Variants in SHANK2 observed in about 807,000 individuals in gnomAD.
SHANK2 encodes SH3 and multiple ankyrin repeat domains protein 2.
SHANK2 carries 43 observed loss-of-function variants against 133.7 expected under a neutral mutation model. The ratio of observed to expected loss-of-function variants is 0.32; its 90% CI spans 0.25 to 0.41. The LOEUF is 0.41. Ranked by LOEUF, SHANK2 falls within the 10% of genes least tolerant of loss-of-function variation. The pLI is 1.00. For missense variants in SHANK2, 1,994 were observed against 2,235.8 expected (o/e 0.89, Z 2.18); for synonymous variants, 1,017 against 952.8 (o/e 1.07, Z -1.24).
At chr11:70,747,654 T>G (rs782553819) in intron 14 of SHANK2, among the ~76,000 whole-genome samples, 9 of 152,178 alleles carry the variant, frequency 5.9e-5, no homozygotes, top group Non-Finnish European at 1.3e-4. Flanking sequence ...CCCAATTCCA[T>G]GCTGAATAGC....
chr11:70,919,467 C>T (rs369382312), intron 10 of SHANK2, among the ~76,000 whole-genome samples: 157 of 152,000 alleles, frequency 1.0e-3, no homozygotes, highest in African/African-American at 2.9e-3. Flanking sequence ...CTGCAACCTC[C>T]GCCTCCCAGG....
chr11:70,549,629 G>A (rs945766198), intron 17 of SHANK2, among the ~76,000 whole-genome samples: 3 of 152,136 alleles, frequency 2.0e-5, no homozygotes, highest in African/African-American at 4.8e-5. Context: ...CGAGGTCCCC[G>A]GCCAGGGACT....
chr11:70,632,735 G>C (rs1045075694), intron 17 of SHANK2, among the ~76,000 whole-genome samples: 5 of 152,154 alleles, frequency 3.3e-5, no homozygotes, highest in Non-Finnish European at 7.3e-5. Flanking sequence ...AACCAGAAAA[G>C]GGCGCATGAG....
chr11:70,680,404 G>T (rs1332011866), intron 15 of SHANK2, among the ~76,000 whole-genome samples: 1 of 152,018 alleles, frequency 6.6e-6, no homozygotes, highest in Non-Finnish European at 1.5e-5. Context: ...CAGAGGAGGG[G>T]CTGCTTGTGT....
At chr11:70,910,974 T>C (rs1950182901) in intron 10 of SHANK2, 1 of 456,902 alleles carries the variant, frequency 2.2e-6, no homozygotes, top group African/African-American at 2.0e-5. Context: ...TGCTAAGCCA[T>C]GATGATGCAT....
chr11:70,486,460 G>C lies in SHANK2; in HGVS notation c.3833C>G (p.Thr1278Arg). The C allele has an allele frequency of 6.2e-7, 1 of 1,614,036 alleles. No individual in the cohort carries two copies. The highest frequency in any genetic ancestry group is 8.5e-7 in the Non-Finnish European group (1 of 1,180,014). ...CAGGTCGGTCTCGTACTTGTTCTCCGTCTCCTGCCGCCTCAGGGGTCCCCG... is the reference window on the plus strand; with the variant it reads ...CAGGTCGGTCTCGTACTTGTTCTCCCTCTCCTGCCGCCTCAGGGGTCCCCG... ...NTRGPLRRQE[T>R]ENKYETDLGR... Residue 1278 changes from threonine (T) to arginine (R), a missense_variant, in exon 25 of 26, where the codon ACG becomes AGG. Coordinates refer to ENST00000601538, the MANE Select transcript of SHANK2 (RefSeq NM_012309.5). This position sits in a 1 kb window ranked among gnomAD's most constrained non-coding sequence, Gnocchi z 8.0.
chr11:70,574,151 C>A (rs977573096), intron 17 of SHANK2, among the ~76,000 whole-genome samples: 1 of 152,260 alleles, frequency 6.6e-6, no homozygotes, highest in Non-Finnish European at 1.5e-5. Context: ...GCACTCATGG[C>A]GGCCCCTGCC....
chr11:70,847,664 C>T (rs1555063931), intron 11 of SHANK2, among the ~76,000 whole-genome samples: 1 of 152,238 alleles, frequency 6.6e-6, no homozygotes, highest in Non-Finnish European at 1.5e-5. Context: ...TTCCCATGCT[C>T]CCTCTCAATT....
chr11:71,197,189 T>C (rs529513287), intron 2 of SHANK2, among the ~76,000 whole-genome samples: 13 of 152,150 alleles, frequency 8.5e-5, no homozygotes, highest in African/African-American at 3.1e-4. Flanking sequence ...CTTAGTTCCG[T>C]GACTCAGTGT....
chr11:70,618,354 CAGA>C (rs1445772432), intron 17 of SHANK2, among the ~76,000 whole-genome samples: 2 of 151,268 alleles, frequency 1.3e-5, no homozygotes, highest in Non-Finnish European at 2.9e-5. Context: ...GGGGTGATTT[CAGA>C]AGGTCAGAAT....
At chr11:71,224,817 CG>C (rs1465841890) in intron 1 of SHANK2, 21 bp from the exon 2 acceptor site, 2 of 152,122 alleles carry the variant, frequency 1.3e-5, no homozygotes, top group African/African-American at 4.8e-5. Flanking sequence ...ATAATGAGAC[CG>C]GGGCATGGTC....
chr11:71,126,420 C>G (rs782126820), intron 3 of SHANK2, among the ~76,000 whole-genome samples: 3 of 152,116 alleles, frequency 2.0e-5, no homozygotes, highest in African/African-American at 7.2e-5. Context: ...CCTGGTCACT[C>G]AAGAGTGCTG....
At chr11:70,575,028 A>G (rs2060098372) in intron 17 of SHANK2, among the ~76,000 whole-genome samples, 1 of 152,066 alleles carries the variant, frequency 6.6e-6, no homozygotes, top group Non-Finnish European at 1.5e-5. Context: ...AGCCACACAC[A>G]CAAAGGGCAC....
chr11:70,502,164 G>C (rs782386402), intron 19 of SHANK2, 42 bp downstream of exon 19: 1 of 1,542,200 alleles, frequency 6.5e-7, no homozygotes, highest in Non-Finnish European at 8.8e-7. Flanking sequence ...CTCAGGGACC[G>C]GCATGGTGAC....
At chr11:70,526,170 A>T (rs1024867723) in intron 17 of SHANK2, among the ~76,000 whole-genome samples, 3 of 152,188 alleles carry the variant, frequency 2.0e-5, no homozygotes, top group African/African-American at 7.2e-5. Flanking sequence ...AATAAGGTGG[A>T]TTCTGGCCGC....
At chr11:71,227,866 C>T (rs959547441) in intron 1 of SHANK2, among the ~76,000 whole-genome samples, 3 of 151,564 alleles carry the variant, frequency 2.0e-5, no homozygotes, top group African/African-American at 4.9e-5. Flanking sequence ...AAAGGAGACC[C>T]AAACAAACCC....
rs375064646 is a variant in SHANK2 at position 70,641,298 on chromosome 11, G to T, written c.2061+18530C>A. 1.4e-4 allele frequency among the ~76,000 whole-genome samples: 22 copies of T among 152,130 alleles called. No homozygotes were observed. In the South Asian group the frequency reaches 2.7e-3, roughly 19 times the overall value. ...TTAGTAGAGATGGGGTTTCACCGTGGTAGCCAGGATGGTCTCGATCTCCTG... is the reference window on the plus strand; with the variant it reads ...TTAGTAGAGATGGGGTTTCACCGTGTTAGCCAGGATGGTCTCGATCTCCTG... On this transcript the variant is annotated intron_variant, in intron 17 of 25. Transcript: ENST00000601538.
chr11:70,622,692 A>ATCTAAGGACATCTG (rs1387480644), intron 17 of SHANK2, among the ~76,000 whole-genome samples: 2 of 152,110 alleles, frequency 1.3e-5, no homozygotes, highest in African/African-American at 4.8e-5. Flanking sequence ...TATAAATGAC[A>ATCTAAGGACATCTG]TCTAAGGACA....
Position 70,487,850 on chromosome 11 carries a change from A to G in SHANK2, c.2573-130T>C. On this transcript the variant is annotated intron_variant, in intron 24 of 25. Coordinates refer to ENST00000601538, the MANE Select transcript of SHANK2 (RefSeq NM_012309.5). The surrounding 1 kb of genome is among the most constrained non-coding windows in gnomAD (Gnocchi z 5.8). Reference sequence around the variant, plus strand: ...GATGAACCGGATGTTCAGGAAACACAGCACAAGCCACGATGCCGAGTGGTT... The same window carrying G: ...GATGAACCGGATGTTCAGGAAACACGGCACAAGCCACGATGCCGAGTGGTT... 1.3e-6 allele frequency: 2 copies of G among 1,524,340 alleles called. No individual in the cohort carries two copies. The highest frequency in any genetic ancestry group is 1.8e-6 in the Non-Finnish European group (2 of 1,129,364). 94.4% of individuals were successfully genotyped at this position (1,524,340 alleles called of 1,614,324 possible).
Sources: gnomAD v4.1 joint callset for allele counts (sites outside exome capture counted in the v4.1 genomes callset) on GRCh38, gnomAD v4.1.1 for gene constraint, Gnocchi (gnomAD v3.1) non-coding constraint, MANE v1.5 for transcripts, NCBI Gene and HGNC (gene_info 2026-07-23, HGNC 2026-07-21) for gene names.